The following TMEM117 variants were observed in gnomAD, a reference collection of about 807,000 sequenced individuals.
The protein encoded by TMEM117 is transmembrane protein 117.
A neutral mutation model predicts 52.4 loss-of-function variants in TMEM117; 27 were observed. That is an observed-to-expected ratio of 0.51 (90% CI 0.38 to 0.71). The LOEUF is 0.71. Among genes scored for constraint, TMEM117 ranks in the 30% least tolerant of loss-of-function variants. TMEM117 has a pLI of 0.00. For synonymous variants in TMEM117, 215 were observed against 206.3 expected, an observed-to-expected ratio of 1.04 and a Z score of -0.36; for missense variants, 556 against 630.5, an observed-to-expected ratio of 0.88 and a Z score of 1.26.
Position 44,204,273 on chromosome 12 carries a change from T to C in TMEM117, c.511-7017T>C, listed in dbSNP as rs142329324. Among the ~76,000 whole-genome samples, 7 of 152,168 alleles carry C rather than the reference T, an allele frequency of 4.6e-5. No homozygotes were observed. The East Asian group carries it at 1.2e-3, about 25-fold the overall frequency. On this transcript the variant is annotated intron_variant, in intron 4 of 7. Coordinates refer to ENST00000266534, the MANE Select transcript of TMEM117 (RefSeq NM_032256.3). ...CAGCAGCATTTCTGTATGTCAATAA[T>C]GTCCAAGCTGAGAGCCAAATTGAGA...
At chr12:44,128,913 T>C (rs1388437982) in intron 3 of TMEM117, among the ~76,000 whole-genome samples, 1 of 152,204 alleles carries the variant, frequency 6.6e-6, no homozygotes, top group Non-Finnish European at 1.5e-5. Flanking sequence ...TTTGAAGTTA[T>C]ACCCGCCCAG....
At chr12:44,030,844 G>T (rs1391873235) in intron 3 of TMEM117, among the ~76,000 whole-genome samples, 1 of 152,134 alleles carries the variant, frequency 6.6e-6, no homozygotes, top group Non-Finnish European at 1.5e-5. Context: ...AATTATAAAA[G>T]AAATTCTGTG....
At chr12:44,377,689 GTC>G (rs1951961434) in intron 7 of TMEM117, among the ~76,000 whole-genome samples, 1 of 152,252 alleles carries the variant, frequency 6.6e-6, no homozygotes, top group South Asian at 2.1e-4. Flanking sequence ...ATGAGTGTGT[GTC>G]TGTTTTAAGG....
intron 2 of TMEM117, among the ~76,000 whole-genome samples, chr12:43,909,742 A>G (rs1325662245): frequency 6.0e-5 from 9 of 150,382 alleles, no homozygotes; most frequent in Non-Finnish European, 1.3e-4. Context: ...TAGAAAATCT[A>G]GAAGAAATGG....
At chr12:44,087,537 C>T (rs766687112) in intron 3 of TMEM117, among the ~76,000 whole-genome samples, 4 of 152,082 alleles carry the variant, frequency 2.6e-5, no homozygotes, top group Non-Finnish European at 5.9e-5. Flanking sequence ...TCATGGCTTA[C>T]TGTAGCCTCA....
intron 2 of TMEM117, among the ~76,000 whole-genome samples, chr12:43,881,806 A>AAC (rs1033174400): frequency 6.7e-6 from 1 of 150,032 alleles, no homozygotes; most frequent in Non-Finnish European, 1.5e-5. Context: ...AAAAAAAAAA[A>AAC]AAAAAAGGCC....
At chr12:43,969,278 C>T (rs999705485) in intron 3 of TMEM117, among the ~76,000 whole-genome samples, 5 of 148,256 alleles carry the variant, frequency 3.4e-5, no homozygotes, top group Admixed American at 1.4e-4. Context: ...CCCAGCACTT[C>T]GGGAGACTGA....
Position 44,044,758 on chromosome 12 carries a change from C to T in TMEM117, c.411-98767C>T, listed in dbSNP as rs760335423. 8.6e-4 allele frequency among the ~76,000 whole-genome samples: 131 copies of T among 152,202 alleles called. 1 individual carries two copies. Among genetic ancestry groups the T allele is most frequent in the Non-Finnish European group, 1.8e-3 (123 of 68,040 alleles). On this transcript the variant is annotated intron_variant, in intron 3 of 7. Coordinates refer to ENST00000266534, the MANE Select transcript of TMEM117 (RefSeq NM_032256.3). ...GCAGCACTACAGCCCCTTTCTAGGACGTCCCTGAAGGTCAACAGTGAAGGG... is the reference window on the plus strand; with the variant it reads ...GCAGCACTACAGCCCCTTTCTAGGATGTCCCTGAAGGTCAACAGTGAAGGG...
chr12:44,365,148 A>G (rs1382861628), intron 6 of TMEM117, among the ~76,000 whole-genome samples: 1 of 152,086 alleles, frequency 6.6e-6, no homozygotes, highest in Non-Finnish European at 1.5e-5. Flanking sequence ...GCCATAAACC[A>G]TCTACAGTTA....
intron 3 of TMEM117, among the ~76,000 whole-genome samples, chr12:44,054,575 C>T (rs533935067): frequency 2.0e-5 from 3 of 152,230 alleles, no homozygotes; most frequent in Admixed American, 2.0e-4. Flanking sequence ...GGATTTTTTG[C>T]AAACTGTGTT....
the TMEM117 span, among the ~76,000 whole-genome samples, chr12:43,801,858 C>T: frequency 2.0e-5 from 3 of 152,116 alleles, no homozygotes; most frequent in South Asian, 2.1e-4. Flanking sequence ...AGTGAAACCC[C>T]GTCTCTACTA....
At chr12:44,092,227 A>G (rs1947685459) in intron 3 of TMEM117, among the ~76,000 whole-genome samples, 1 of 152,246 alleles carries the variant, frequency 6.6e-6, no homozygotes, top group Non-Finnish European at 1.5e-5. Context: ...GTGGGATTAA[A>G]TGCTCAACTT....
chr12:43,915,195 T>C (rs1323091222), intron 2 of TMEM117, among the ~76,000 whole-genome samples: 1 of 152,158 alleles, frequency 6.6e-6, no homozygotes, highest in East Asian at 1.9e-4. Context: ...GAGGGAGGCT[T>C]GGCCACCCCT....
rs1565752815 is a variant in TMEM117 at position 43,922,963 on chromosome 12, A to G, written c.278-21247A>G. On this transcript the variant is annotated intron_variant, in intron 2 of 7. Transcript: ENST00000266534. ...GAATCTGCAGGCATGGGACTTCCCA[A>G]TACTAAACTCCAAAATTAAATAGAT... Among the ~76,000 whole-genome samples, 4 of 152,184 alleles carry G rather than the reference A, an allele frequency of 2.6e-5. No individual in the cohort carries two copies. The South Asian group carries it at 8.3e-4, about 31-fold the overall frequency.
At chr12:43,941,127 G>A (rs545940848) in intron 2 of TMEM117, among the ~76,000 whole-genome samples, 62 of 152,034 alleles carry the variant, frequency 4.1e-4, no homozygotes, top group Non-Finnish European at 7.9e-4. Flanking sequence ...CTCCAAGATG[G>A]ATCTTATTAA....
intron 2 of TMEM117, among the ~76,000 whole-genome samples, chr12:43,857,496 A>G (rs939261879): frequency 1.4e-5 from 1 of 69,876 alleles, no homozygotes; most frequent in Non-Finnish European, 5.1e-5. Context: ...ACTCATATAC[A>G]TGGTGCAGAG....
At chr12:44,069,267 T>C (rs1225307244) in intron 3 of TMEM117, among the ~76,000 whole-genome samples, 1 of 152,146 alleles carries the variant, frequency 6.6e-6, no homozygotes, top group Non-Finnish European at 1.5e-5. Context: ...TTGCAGGATA[T>C]ATATGGGATT....
At chr12:44,223,966 A>G (rs1275208543) in intron 5 of TMEM117, among the ~76,000 whole-genome samples, 1 of 152,170 alleles carries the variant, frequency 6.6e-6, no homozygotes, top group Non-Finnish European at 1.5e-5. Context: ...CTGTCAATCT[A>G]CTGCGCTTCC....
intron 3 of TMEM117, among the ~76,000 whole-genome samples, chr12:44,118,685 G>A (rs564523191): frequency 6.6e-6 from 1 of 152,296 alleles, no homozygotes; most frequent in South Asian, 2.1e-4. Flanking sequence ...AGCTCTTCAA[G>A]TATTACATGA....
Sources: allele counts gnomAD v4.1 joint callset (sites outside exome capture counted in the v4.1 genomes callset), GRCh38; gene constraint gnomAD v4.1.1; transcripts MANE v1.5; gene names NCBI Gene and HGNC (gene_info 2026-07-23, HGNC 2026-07-21).